The following TCF7 variants were observed in gnomAD, a reference collection of about 807,000 sequenced individuals.
The protein encoded by TCF7 is transcription factor 7.
Under a neutral mutation model 46.8 loss-of-function variants are expected in TCF7, and 19 were observed. The observed-to-expected ratio is 0.41, with a 90% CI of 0.28 to 0.60. The LOEUF (loss-of-function observed/expected upper bound fraction) is 0.60, where lower values mean the gene tolerates loss of function less well. Among genes scored for constraint, TCF7 ranks in the 20% least tolerant of loss-of-function variants. The pLI, the probability that TCF7 is intolerant of heterozygous loss-of-function variation, is 0.35. For synonymous variants in TCF7, 245 were observed against 213.4 expected, an observed-to-expected ratio of 1.15 and a Z score of -1.29; for missense variants, 547 against 504.6, an observed-to-expected ratio of 1.08 and a Z score of -0.81.
chr5:134,112,555 T>C (rs17167269), upstream of TCF7, among the ~76,000 whole-genome samples: 13,651 of 152,154 alleles, frequency 0.09, 723 homozygotes, highest in Admixed American at 0.15. Context: ...TATGACCCCA[T>C]AGGACAGTTG....
chr5:134,117,497 A>G (rs960517419), intron 3 of TCF7, among the ~76,000 whole-genome samples: 8 of 152,268 alleles, frequency 5.3e-5, no homozygotes, highest in Non-Finnish European at 1.0e-4. Flanking sequence ...CAAAAGGCCT[A>G]GGCCCAAGGC....
chr5:134,110,013 A>C (rs2149255842), upstream of TCF7, among the ~76,000 whole-genome samples: 1 of 152,298 alleles, frequency 6.6e-6, no homozygotes, highest in Middle Eastern at 3.4e-3. Context: ...CTCTGACTCT[A>C]GACTCCTTCC....
rs556068059 is a variant in TCF7 at position 134,145,985 on chromosome 5, A to G, written c.1076-239A>G. 1.4e-4 allele frequency: 207 copies of G among 1,475,614 alleles called. No individual in the cohort carries two copies. In the Middle Eastern group the frequency reaches 2.4e-3, roughly 17 times the overall value. 91.4% of individuals were successfully genotyped at this position (1,475,614 alleles called of 1,614,324 possible). A position where few individuals can be genotyped will look rare whatever the true frequency, so the allele number is the denominator to read the frequency against. ...TCCCTTGGAAGACAGATGACAGCCC[A>G]TAGGCCTAGTGACAAAAGGCCCCTT... On this transcript the variant is annotated intron_variant, in intron 9 of 9. Transcript: ENST00000342854.
At chr5:134,112,695 T>C (rs1554098720), upstream of TCF7, among the ~76,000 whole-genome samples, 2 of 152,178 alleles carry the variant, frequency 1.3e-5, no homozygotes, top group Non-Finnish European at 2.9e-5. Context: ...ACCATTTTAG[T>C]AAAGAAAGGA....
At chr5:134,143,560 G>T in intron 8 of TCF7, 32 bp from the exon 9 acceptor site, 1 of 1,614,084 alleles carries the variant, frequency 6.2e-7, no homozygotes, top group Non-Finnish European at 8.5e-7. Context: ...CTGCCTCCCA[G>T]ATCTGAGCAT....
chr5:134,143,840 C>T, intron 9 of TCF7, 200 bp downstream of exon 9: 2 of 605,280 alleles, frequency 3.3e-6, no homozygotes, highest in Non-Finnish European at 5.7e-6. Flanking sequence ...CCAGGGAAAC[C>T]CAGCAGAACT....
Position 134,138,922 on chromosome 5 carries a change from C to G in TCF7, c.548-29C>G, listed in dbSNP as rs1484499715. On this transcript the variant is annotated intron_variant, in intron 4 of 9. Transcript: ENST00000342854. ...GATATGGCCTGCCAGGTCAGGCTAG[C>G]CCACTCACTCAGCTTCTCTCCTCTG... 3 of 1,612,608 alleles carry G rather than the reference C, an allele frequency of 1.9e-6. No homozygotes were observed. The African/African-American group carries it at 4.0e-5, about 21-fold the overall frequency.
chr5:134,129,851 C>T (rs953319563), intron 3 of TCF7, among the ~76,000 whole-genome samples: 8 of 152,228 alleles, frequency 5.3e-5, no homozygotes, highest in African/African-American at 1.4e-4. Context: ...ACTGGCCACA[C>T]GCACCTAGCA....
intron 2 of TCF7, 174 bp downstream of exon 2, chr5:134,115,561 T>A: frequency 6.9e-7 from 1 of 1,438,916 alleles, no homozygotes; most frequent in Non-Finnish European, 9.1e-7. Flanking sequence ...CCGGGTCGAG[T>A]CACTTCCGGT....
intron 3 of TCF7, among the ~76,000 whole-genome samples, chr5:134,120,328 C>T (rs776616858): frequency 6.6e-6 from 1 of 152,188 alleles, no homozygotes; most frequent in Non-Finnish European, 1.5e-5. Context: ...CCAGGCTTCA[C>T]GTAGCAGCCA....
At chr5:134,143,336 A>G (rs368355153) in intron 8 of TCF7, 2 of 773,966 alleles carry the variant, frequency 2.6e-6, no homozygotes, top group Non-Finnish European at 4.6e-6. Flanking sequence ...ATTGGGCCAC[A>G]TGGGCAGAAG....
At chr5:134,132,192 C>G (rs1162668642) in intron 3 of TCF7, among the ~76,000 whole-genome samples, 3 of 152,244 alleles carry the variant, frequency 2.0e-5, no homozygotes, top group Admixed American at 6.5e-5. Context: ...GCTTCCCCAT[C>G]TGTCAGGTGG....
chr5:134,136,727 A>T (rs529180510), intron 3 of TCF7, among the ~76,000 whole-genome samples: 1 of 152,310 alleles, frequency 6.6e-6, no homozygotes, highest in South Asian at 2.1e-4. Flanking sequence ...AGGGGCCATG[A>T]ACCCTATTCA....
chr5:134,115,362 C>A lies in TCF7; in HGVS notation c.291C>A (p.Asp97Glu), dbSNP rs764650996. 3.1e-6 allele frequency: 5 copies of A among 1,602,908 alleles called. No individual in the cohort carries two copies. Among genetic ancestry groups the A allele is most frequent in the African/African-American group, 2.7e-5 (2 of 74,568 alleles). The change falls in exon 2 of 10, where the codon GAC (aspartate) becomes GAA (glutamate). Residue 97 changes from aspartate (D) to glutamate (E), a missense_variant. Around this residue, in one of 3 missense-constraint regions of TCF7, gnomAD observed 425 missense variants for 349.9 expected, o/e 1.21. Coordinates refer to ENST00000342854, the MANE Select transcript of TCF7 (RefSeq NM_003202.5). ...REHAAQRLFPDKLPEPLEDGL... is the reference protein window; with the variant it reads ...REHAAQRLFPEKLPEPLEDGL... ...ACGCTGCGCAGAGACTCTTCCCGGA[C>A]AAACTTCCAGAGCCCCTGGAGGACG... is the stretch of plus-strand genomic sequence containing the variant.
At chr5:134,122,403 C>A (rs1038698391) in intron 3 of TCF7, among the ~76,000 whole-genome samples, 1 of 152,150 alleles carries the variant, frequency 6.6e-6, no homozygotes, top group Admixed American at 6.5e-5. Flanking sequence ...TCCACCAAGC[C>A]AGTTTCCACG....
At position 134,146,780 on chromosome 5, in the gene TCF7, T is replaced by G. The variant is rs1033112284; in HGVS notation, c.*477T>G. The G allele has an allele frequency of 1.9e-5, 10 of 517,122 alleles. No individual in the cohort carries two copies. The highest frequency in any genetic ancestry group is 2.7e-5 in the Non-Finnish European group (8 of 294,250). 32.0% of individuals were successfully genotyped at this position (517,122 alleles called of 1,614,324 possible). ...CCTATGGCTGCCTGCATCTATTCTT[T>G]GTACCATCTGTCTTGCCAGCCAGAA... is the stretch of plus-strand genomic sequence containing the variant. On this transcript the variant is annotated 3_prime_UTR_variant, in exon 10 of 10. Coordinates refer to ENST00000342854, the MANE Select transcript of TCF7 (RefSeq NM_003202.5).
At chr5:134,122,431 T>C (rs1756728218) in intron 3 of TCF7, among the ~76,000 whole-genome samples, 1 of 152,086 alleles carries the variant, frequency 6.6e-6, no homozygotes, top group Admixed American at 6.5e-5. Context: ...ACGGGAATAT[T>C]CATACCAGCA....
intron 3 of TCF7, among the ~76,000 whole-genome samples, chr5:134,118,670 A>T (rs940730672): frequency 2.6e-5 from 4 of 152,090 alleles, no homozygotes; most frequent in Non-Finnish European, 5.9e-5. Context: ...AGGAAGAAAA[A>T]ATTAGGTCAA....
intron 3 of TCF7, among the ~76,000 whole-genome samples, chr5:134,118,719 T>C (rs972486210): frequency 2.6e-5 from 4 of 152,192 alleles, no homozygotes; most frequent in Non-Finnish European, 2.9e-5. Context: ...CTGATTGATG[T>C]AGGCTTGCAG....
Sources: gnomAD v4.1 joint callset for allele counts (sites outside exome capture counted in the v4.1 genomes callset) on GRCh38, gnomAD v4.1.1 for gene constraint, gnomAD v4.1.1 regional missense constraint, MANE v1.5 for transcripts, NCBI Gene and HGNC (gene_info 2026-07-23, HGNC 2026-07-21) for gene names.